Variants in SLC8A1 observed in about 807,000 individuals in gnomAD.
SLC8A1 encodes sodium/calcium exchanger 1.
SLC8A1 carries 18 observed loss-of-function variants against 68.3 expected under a neutral mutation model. The ratio of observed to expected loss-of-function variants is 0.26; its 90% CI spans 0.18 to 0.39. The LOEUF (loss-of-function observed/expected upper bound fraction) is 0.39. Ranked by LOEUF, SLC8A1 falls within the 10% of genes least tolerant of loss-of-function variation. The pLI is 1.00. For missense variants in SLC8A1, 985 were observed against 1,156.7 expected (o/e 0.85, Z 2.15); for synonymous variants, 475 against 415.5 (o/e 1.14, Z -1.74).
chr2:40,139,386 G>C lies in SLC8A1; in HGVS notation c.2437+15C>G, dbSNP rs1324608555. ...TTCTGCTACTGGGGGAATTATACATGAATGTAATTTGTACCTGGCACTGAT... is the reference window on the plus strand; with the variant it reads ...TTCTGCTACTGGGGGAATTATACATCAATGTAATTTGTACCTGGCACTGAT... On this transcript the variant is annotated intron_variant, in intron 7 of 7. Coordinates refer to ENST00000406785, the Ensembl canonical transcript of SLC8A1. The C allele has an allele frequency of 1.2e-6, 2 of 1,613,102 alleles. No homozygotes were observed. The highest frequency in any genetic ancestry group is 1.3e-5 in the African/African-American group (1 of 74,908).
At chr2:40,143,201 A>G (rs1001160971) in intron 6 of SLC8A1, among the ~76,000 whole-genome samples, 1 of 152,190 alleles carries the variant, frequency 6.6e-6, no homozygotes, top group Non-Finnish European at 1.5e-5. Flanking sequence ...GCCATGCATG[A>G]TGCACAATTA....
intron 7 of SLC8A1, among the ~76,000 whole-genome samples, chr2:40,130,545 C>G (rs1330474285): frequency 6.6e-6 from 1 of 152,224 alleles, no homozygotes; most frequent in Non-Finnish European, 1.5e-5. Flanking sequence ...TGCCTCTTGG[C>G]CTGACTGCAG....
intron 2 of SLC8A1, among the ~76,000 whole-genome samples, chr2:40,261,305 G>A (rs1206405054): frequency 6.6e-6 from 1 of 152,198 alleles, no homozygotes; most frequent in Admixed American, 6.5e-5. Flanking sequence ...TGCTTGCAGA[G>A]GCAATCATTT....
chr2:40,198,276 A>T (rs748575201), intron 2 of SLC8A1, among the ~76,000 whole-genome samples: 24 of 151,976 alleles, frequency 1.6e-4, no homozygotes, highest in Non-Finnish European at 3.5e-4. Flanking sequence ...AAACCTCAAA[A>T]CAATTGTGTT....
At chr2:40,117,396 A>G (rs867561055) in intron 7 of SLC8A1, among the ~76,000 whole-genome samples, 2,977 of 84,130 alleles carry the variant, frequency 0.035, 99 homozygotes, top group African/African-American at 0.055. Flanking sequence ...AAAATACAAA[A>G]AAAAAAAAAA....
chr2:40,254,310 A>G (rs941970176), intron 2 of SLC8A1: 3 of 150,078 alleles, frequency 2.0e-5, no homozygotes, highest in Admixed American at 6.6e-5. Flanking sequence ...CTTGTGAGAC[A>G]GCATGCAAAA....
intron 2 of SLC8A1, among the ~76,000 whole-genome samples, chr2:40,393,103 A>G (rs1214736591): frequency 6.6e-6 from 1 of 152,084 alleles, no homozygotes; most frequent in Non-Finnish European, 1.5e-5. Context: ...AAAAATATGT[A>G]AACTGTCTAA....
chr2:40,200,005 C>CT (rs2053825260), intron 2 of SLC8A1, among the ~76,000 whole-genome samples: 2 of 148,030 alleles, frequency 1.4e-5, no homozygotes, highest in African/African-American at 5.0e-5. Context: ...AGAGATCACA[C>CT]TAATGCTCCT....
At chr2:40,492,753 A>G (rs1266429743) in intron 1 of SLC8A1, among the ~76,000 whole-genome samples, 3 of 149,512 alleles carry the variant, frequency 2.0e-5, no homozygotes, top group African/African-American at 7.4e-5. Flanking sequence ...AATGCTCACC[A>G]TCACTGGCCA....
At chr2:40,368,136 G>A (rs986720446) in intron 2 of SLC8A1, among the ~76,000 whole-genome samples, 8 of 151,930 alleles carry the variant, frequency 5.3e-5, no homozygotes, top group Admixed American at 4.6e-4. Context: ...TGATAAAAAC[G>A]TTAAAGATAC....
chr2:40,469,491 T>A (rs1430058229), intron 1 of SLC8A1, among the ~76,000 whole-genome samples: 1 of 152,176 alleles, frequency 6.6e-6, no homozygotes. Context: ...TTAAACCTGT[T>A]TTCTTCATAA....
At chr2:40,187,474 T>C (rs974722397) in intron 2 of SLC8A1, among the ~76,000 whole-genome samples, 25 of 145,656 alleles carry the variant, frequency 1.7e-4, no homozygotes, top group Non-Finnish European at 1.7e-4. Flanking sequence ...ACAGCTAAAA[T>C]CCTGCTGTTC....
chr2:40,235,704 T>G (rs1409720582), intron 2 of SLC8A1, among the ~76,000 whole-genome samples: 2 of 151,900 alleles, frequency 1.3e-5, no homozygotes, highest in South Asian at 4.2e-4. Flanking sequence ...GGTGTCAATT[T>G]TGGATCTTTC....
exon 8 of SLC8A1, chr2:40,108,451 C>G (rs1488151324): frequency 6.6e-6 from 1 of 152,036 alleles, no homozygotes; most frequent in Non-Finnish European, 1.5e-5. Context: ...TAATAAAATC[C>G]TAGTTAACAC....
rs531435724 is a variant in SLC8A1, at chr2:40,135,467, G to C, written c.2437+3934C>G. ...TCACTCCTATAATTCCAGCACTTTGGGGGCGGCAGGGGAGGGGTGGCAGGG... is the reference window on the plus strand; with the variant it reads ...TCACTCCTATAATTCCAGCACTTTGCGGGCGGCAGGGGAGGGGTGGCAGGG... On this transcript the variant is annotated intron_variant, in intron 7 of 7. Coordinates refer to ENST00000406785, the Ensembl canonical transcript of SLC8A1. Among the ~76,000 whole-genome samples, 54 of 152,212 alleles carry C rather than the reference G, an allele frequency of 3.5e-4. No individual in the cohort carries two copies. The South Asian group carries it at 0.011, about 30-fold the overall frequency.
exon 8 of SLC8A1, chr2:40,099,223 T>C (rs761160148): frequency 3.3e-5 from 5 of 152,084 alleles, no homozygotes; most frequent in African/African-American, 4.8e-5. Flanking sequence ...AAGAATGTGC[T>C]GGAATCTTTT....
At chr2:40,340,249 A>G (rs1360799337) in intron 2 of SLC8A1, among the ~76,000 whole-genome samples, 2 of 152,112 alleles carry the variant, frequency 1.3e-5, no homozygotes, top group Non-Finnish European at 2.9e-5. Flanking sequence ...CTGTGAGTTG[A>G]TTTGGTAAGC....
chr2:40,198,215 G>C (rs1264787802), intron 2 of SLC8A1, among the ~76,000 whole-genome samples: 1 of 151,916 alleles, frequency 6.6e-6, no homozygotes, highest in Non-Finnish European at 1.5e-5. Context: ...GTAAAATATA[G>C]GGATTAGAAG....
chr2:40,420,171 T>A (rs1461289263), intron 2 of SLC8A1, among the ~76,000 whole-genome samples: 1 of 152,026 alleles, frequency 6.6e-6, no homozygotes, highest in Non-Finnish European at 1.5e-5. Context: ...GAATTCTAAG[T>A]TTTTTATAAG....
Sources: allele counts gnomAD v4.1 joint callset (sites outside exome capture counted in the v4.1 genomes callset), GRCh38; gene constraint gnomAD v4.1.1; transcripts MANE v1.5; gene names NCBI Gene and HGNC (gene_info 2026-07-23, HGNC 2026-07-21).